Variants in LY96 observed in about 807,000 individuals in gnomAD.
LY96 encodes the protein myeloid differentiation protein-2.
A neutral mutation model predicts 18.9 loss-of-function variants in LY96; 18 were observed. The observed-to-expected ratio is 0.95, with a 90% confidence interval of 0.66 to 1.41. The LOEUF is 1.41. Ranked by LOEUF, LY96 falls within the 40% of genes most tolerant of loss-of-function variation. LY96 has a pLI of 0.00. For missense variants in LY96, 175 were observed against 182.4 expected (o/e 0.96, Z 0.23); for synonymous variants, 66 against 62.6 (o/e 1.06, Z -0.26).
chr8:74,070,153 G>A, the LY96 span, among the ~76,000 whole-genome samples: 18 of 151,130 alleles, frequency 1.2e-4, no homozygotes, highest in Non-Finnish European at 2.5e-4. Context: ...GTGCAGTGGC[G>A]CGATCTCGGC....
chr8:74,056,348 C>G, the LY96 span: 1 of 348,980 alleles, frequency 2.9e-6, no homozygotes, highest in South Asian at 2.3e-5. Context: ...TCTGACAAAT[C>G]CGGAAGAAGA....
chr8:74,063,159 A>G, the LY96 span, among the ~76,000 whole-genome samples: 3 of 152,160 alleles, frequency 2.0e-5, no homozygotes, highest in South Asian at 6.2e-4. Context: ...AGCTCCTTGT[A>G]ACATGGACCA....
chr8:74,009,936 A>G, intron 2 of LY96, 65 bp from the exon 3 acceptor site: 1 of 1,185,268 alleles, frequency 8.4e-7, no homozygotes, highest in Non-Finnish European at 1.3e-6. Flanking sequence ...TATACAATAA[A>G]TGTTAATTAC....
chr8:73,997,430 T>C (rs1482087330), intron 1 of LY96, among the ~76,000 whole-genome samples: 1 of 152,178 alleles, frequency 6.6e-6, no homozygotes, highest in Non-Finnish European at 1.5e-5. Context: ...CAATCTATTC[T>C]TGACACAGAG....
chr8:74,092,901 A>T, the LY96 span, among the ~76,000 whole-genome samples: 1 of 152,130 alleles, frequency 6.6e-6, no homozygotes, highest in African/African-American at 2.4e-5. Flanking sequence ...TCCCTGTTTC[A>T]ATCCATCCTC....
chr8:74,012,217 A>G (rs533096759), intron 3 of LY96, among the ~76,000 whole-genome samples: 36 of 152,366 alleles, frequency 2.4e-4, no homozygotes, highest in African/African-American at 8.7e-4. Flanking sequence ...AAATCAATAT[A>G]TCAAAAAGAT....
At chr8:74,017,757 A>G (rs1816674012) in intron 3 of LY96, among the ~76,000 whole-genome samples, 2 of 152,344 alleles carry the variant, frequency 1.3e-5, no homozygotes, top group South Asian at 4.1e-4. Flanking sequence ...CAACATTCTT[A>G]AAGACAAGAA....
downstream of LY96, among the ~76,000 whole-genome samples, chr8:74,031,143 T>C (rs140642447): frequency 2.6e-5 from 4 of 152,082 alleles, no homozygotes; most frequent in African/African-American, 7.2e-5. Context: ...ACCTTTCCTA[T>C]TGTAATTTCC....
chr8:74,087,053 G>A, the LY96 span, among the ~76,000 whole-genome samples: 1 of 152,202 alleles, frequency 6.6e-6, no homozygotes, highest in African/African-American at 2.4e-5. Context: ...ACCTCTGGGT[G>A]AAAGAAGATC....
At chr8:74,077,251 C>G in the LY96 span, among the ~76,000 whole-genome samples, 1 of 152,132 alleles carries the variant, frequency 6.6e-6, no homozygotes, top group African/African-American at 2.4e-5. Flanking sequence ...TCTGAGTCTG[C>G]CCCTTTCCAG....
the LY96 span, among the ~76,000 whole-genome samples, chr8:74,043,913 A>G: frequency 6.6e-6 from 1 of 152,304 alleles, no homozygotes; most frequent in East Asian, 1.9e-4. Flanking sequence ...GGCTCACTGC[A>G]GCCTCGACCT....
chr8:74,054,903 A>G, the LY96 span, among the ~76,000 whole-genome samples: 1 of 149,348 alleles, frequency 6.7e-6, no homozygotes, highest in Non-Finnish European at 1.5e-5. Flanking sequence ...ATCATGCACC[A>G]CTCTATTTAT....
intron 3 of LY96, among the ~76,000 whole-genome samples, chr8:74,021,071 G>A (rs1196879247): frequency 6.6e-6 from 1 of 152,074 alleles, no homozygotes; most frequent in Admixed American, 6.5e-5. Context: ...TAGACAAATG[G>A]GATCTAATTA....
At chr8:74,081,087 CTCTTTCTTTCTTTCTTTCTT>C in the LY96 span, among the ~76,000 whole-genome samples, 1 of 93,024 alleles carries the variant, frequency 1.1e-5, no homozygotes, top group Non-Finnish European at 2.0e-5. Flanking sequence ...TTCTCTTTCT[CTCTTTCTTTCTTTCTTTCTT>C]TCTTTCTTTC....
At chr8:73,998,531 A>G (rs1252285520) in intron 1 of LY96, among the ~76,000 whole-genome samples, 1 of 152,034 alleles carries the variant, frequency 6.6e-6, no homozygotes, top group Non-Finnish European at 1.5e-5. Flanking sequence ...GAAGAAAAAA[A>G]AATTCACTGG....
chr8:74,006,256 A>G (rs1816408731), intron 2 of LY96, among the ~76,000 whole-genome samples: 1 of 152,098 alleles, frequency 6.6e-6, no homozygotes, highest in African/African-American at 2.4e-5. Flanking sequence ...GTACAGTGGC[A>G]TGATCTCGTC....
chr8:74,088,743 A>T, the LY96 span, among the ~76,000 whole-genome samples: 1 of 151,810 alleles, frequency 6.6e-6, no homozygotes, highest in Non-Finnish European at 1.5e-5. Flanking sequence ...CTACCACTAC[A>T]CCTGGTTAAT....
intron 1 of LY96, among the ~76,000 whole-genome samples, chr8:73,999,684 T>A (rs560605899): frequency 6.6e-6 from 1 of 152,292 alleles, no homozygotes; most frequent in African/African-American, 2.4e-5. Context: ...TTCTTTAAAA[T>A]TTTTTAAAGT....
intron 1 of LY96, among the ~76,000 whole-genome samples, chr8:74,001,200 GA>G: frequency 6.7e-6 from 1 of 149,806 alleles, no homozygotes; most frequent in South Asian, 2.1e-4. Flanking sequence ...GGGCAACAAA[GA>G]AAGCCTCTAT....
Sources: gnomAD v4.1 joint callset for allele counts (sites outside exome capture counted in the v4.1 genomes callset) on GRCh38, gnomAD v4.1.1 for gene constraint, MANE v1.5 for transcripts, NCBI Gene and HGNC (gene_info 2026-07-23, HGNC 2026-07-21) for gene names.